Variants in WDPCP observed in about 807,000 individuals in gnomAD.
WDPCP encodes the protein WD repeat-containing and planar cell polarity effector protein fritz homolog.
A neutral mutation model predicts 93.1 loss-of-function variants in WDPCP; 71 were observed. The observed-to-expected ratio is 0.76, with a 90% CI of 0.63 to 0.93. The LOEUF (loss-of-function observed/expected upper bound fraction) is 0.93. WDPCP is among the 40% of genes least tolerant of loss of function. The pLI is 0.00. For missense variants in WDPCP, 844 were observed against 887.4 expected (o/e 0.95, Z 0.62); for synonymous variants, 315 against 315.0 (o/e 1.00, Z 0.00).
intron 2 of WDPCP, among the ~76,000 whole-genome samples, chr2:63,805,198 CT>C (rs1490494159): frequency 6.6e-6 from 1 of 152,110 alleles, no homozygotes; most frequent in East Asian, 1.9e-4. Flanking sequence ...AGTAGATGTA[CT>C]TTTGATAAGC....
intron 15 of WDPCP, among the ~76,000 whole-genome samples, chr2:63,170,812 G>C (rs1673329404): frequency 6.6e-6 from 1 of 152,020 alleles, no homozygotes; most frequent in Non-Finnish European, 1.5e-5. Context: ...TAGTTCAGTG[G>C]GGTCCTCAGT....
chr2:63,548,652 T>C lies in WDPCP; in HGVS notation c.75+39545A>G, dbSNP rs369335823. 5.3e-5 allele frequency among the ~76,000 whole-genome samples: 8 copies of C among 151,962 alleles called. No homozygotes were observed. The East Asian group carries it at 9.7e-4, about 18-fold the overall frequency. On this transcript the variant is annotated intron_variant, in intron 1 of 17. Transcript: ENST00000272321. ...GTTAAGGTACTTTGATCATAAAGAA[T>C]ACATTTTCTTTCCTTTTTTTTTTTT...
At position 63,611,353 on chromosome 2, in the gene WDPCP, A is replaced by T. The variant is rs969527417; in HGVS notation, n.488+39306T>A. 2.0e-5 allele frequency among the ~76,000 whole-genome samples: 3 copies of T among 152,162 alleles called. No individual in the cohort carries two copies. In the South Asian group the frequency reaches 6.2e-4, roughly 31 times the overall value. ...AGCAGATTTTTTTTAATACTGTTGA[A>T]TCTAGTTTGTTATGAAAGCAGCAGC... On this transcript the variant is annotated intron_variant and non_coding_transcript_variant, in intron 3 of 4. Coordinates refer to the WDPCP transcript ENST00000467687.
chr2:63,250,344 C>T (rs531886937), intron 14 of WDPCP, among the ~76,000 whole-genome samples: 13 of 152,056 alleles, frequency 8.5e-5, no homozygotes, highest in African/African-American at 1.9e-4. Context: ...CAACAGTGCA[C>T]GATTTAAAAA....
intron 2 of WDPCP, among the ~76,000 whole-genome samples, chr2:63,803,548 C>T (rs1349376762): frequency 6.6e-6 from 1 of 152,006 alleles, no homozygotes; most frequent in Non-Finnish European, 1.5e-5. Flanking sequence ...CTGCTGTAAC[C>T]CTTACCTCTT....
At chr2:63,320,305 T>G (rs1488314014) in intron 12 of WDPCP, among the ~76,000 whole-genome samples, 1 of 152,122 alleles carries the variant, frequency 6.6e-6, no homozygotes, top group Admixed American at 6.6e-5. Context: ...CAAGTAGAAC[T>G]ACACCGTAAG....
chr2:63,738,563 G>T (rs576456147), intron 2 of WDPCP, among the ~76,000 whole-genome samples: 18 of 152,062 alleles, frequency 1.2e-4, no homozygotes, highest in Non-Finnish European at 1.9e-4. Context: ...AGAATTAAAT[G>T]GTGATTTTTC....
chr2:63,510,998 AC>A (rs1203094878), intron 1 of WDPCP, among the ~76,000 whole-genome samples: 1 of 151,916 alleles, frequency 6.6e-6, no homozygotes, highest in African/African-American at 2.4e-5. Flanking sequence ...AATAAATAAA[AC>A]CCCATCATCT....
At chr2:63,334,193 G>C (rs186517922) in intron 12 of WDPCP, among the ~76,000 whole-genome samples, 26 of 152,196 alleles carry the variant, frequency 1.7e-4, no homozygotes, top group African/African-American at 6.0e-4. Flanking sequence ...ATTTCTTTCA[G>C]GAATGTATTA....
chr2:63,230,819 G>A (rs1678801690), intron 14 of WDPCP, among the ~76,000 whole-genome samples: 1 of 152,162 alleles, frequency 6.6e-6, no homozygotes, highest in Non-Finnish European at 1.5e-5. Context: ...GTTCTTTGTA[G>A]ATTCTAGATA....
intron 2 of WDPCP, among the ~76,000 whole-genome samples, chr2:63,782,315 G>A (rs1021401851): frequency 2.0e-5 from 3 of 151,958 alleles, no homozygotes; most frequent in Non-Finnish European, 2.9e-5. Context: ...TAGACAAATG[G>A]GATTTAATTA....
intron 13 of WDPCP, among the ~76,000 whole-genome samples, chr2:63,297,501 T>C (rs963691785): frequency 1.3e-5 from 2 of 152,148 alleles, no homozygotes; most frequent in South Asian, 4.1e-4. Context: ...CCATTTCCTC[T>C]ATTATTCTCC....
intron 1 of WDPCP, among the ~76,000 whole-genome samples, chr2:63,580,652 T>A (rs1324668073): frequency 6.6e-6 from 1 of 152,170 alleles, no homozygotes; most frequent in Non-Finnish European, 1.5e-5. Flanking sequence ...CAATAAACTG[T>A]TCCAGATTAC....
intron 14 of WDPCP, chr2:63,232,476 CT>C (rs1428980155): frequency 2.0e-5 from 3 of 152,414 alleles, no homozygotes; most frequent in African/African-American, 7.2e-5. Flanking sequence ...TGGCCAACAG[CT>C]GCTGTGTTTA....
chr2:63,285,359 G>A (rs1007833413), intron 13 of WDPCP, among the ~76,000 whole-genome samples: 8 of 151,620 alleles, frequency 5.3e-5, no homozygotes, highest in African/African-American at 1.2e-4. Flanking sequence ...GTGTGAACTC[G>A]GGAGGTGGAG....
intron 2 of WDPCP, among the ~76,000 whole-genome samples, chr2:63,762,094 C>T (rs1327253944): frequency 1.3e-5 from 2 of 152,170 alleles, no homozygotes; most frequent in Admixed American, 6.5e-5. Flanking sequence ...GATTGAGATA[C>T]TAAAAGTTGC....
At chr2:63,379,873 C>T (rs1575277112) in intron 11 of WDPCP, among the ~76,000 whole-genome samples, 1 of 152,182 alleles carries the variant, frequency 6.6e-6, no homozygotes, top group South Asian at 2.1e-4. Context: ...TGGAGGAAAA[C>T]GCACACACCT....
At chr2:63,392,240 C>T (rs1693319008) in intron 10 of WDPCP, among the ~76,000 whole-genome samples, 1 of 152,212 alleles carries the variant, frequency 6.6e-6, no homozygotes, top group Non-Finnish European at 1.5e-5. Context: ...CACACATCTA[C>T]AACCATCTGA....
At chr2:63,184,961 G>T (rs1674511722) in intron 14 of WDPCP, among the ~76,000 whole-genome samples, 1 of 151,418 alleles carries the variant, frequency 6.6e-6, no homozygotes, top group Non-Finnish European at 1.5e-5. Flanking sequence ...TTCAAATTTT[G>T]AGATTTTGTC....
Sources: allele counts gnomAD v4.1 joint callset (sites outside exome capture counted in the v4.1 genomes callset), GRCh38; gene constraint gnomAD v4.1.1; transcripts MANE v1.5; gene names NCBI Gene and HGNC (gene_info 2026-07-23, HGNC 2026-07-21).